Variants in CPNE1 observed in about 807,000 individuals in gnomAD.
CPNE1 encodes copine-1.
CPNE1 carries 58 observed loss-of-function variants against 63.2 expected under a neutral mutation model. The observed-to-expected ratio is 0.92, with a 90% confidence interval of 0.74 to 1.14. The LOEUF is 1.14. Ranked by LOEUF, CPNE1 falls within the 50% of genes most tolerant of loss-of-function variation. The pLI is 0.00. For missense variants in CPNE1, 672 were observed against 661.7 expected, an observed-to-expected ratio of 1.02 and a Z score of -0.17; for synonymous variants, 237 against 249.0, an observed-to-expected ratio of 0.95 and a Z score of 0.45.
At chr20:35,653,338 A>G (rs774044543) in intron 1 of CPNE1, 1 of 1,613,924 alleles carries the variant, frequency 6.2e-7, no homozygotes, top group Non-Finnish European at 8.5e-7. Flanking sequence ...TGCACTGGGC[A>G]GTCCCACACC....
chr20:35,653,957 C>T, intron 1 of CPNE1: 1 of 1,614,162 alleles, frequency 6.2e-7, no homozygotes, highest in Non-Finnish European at 8.5e-7. Context: ...CTATCTTCCA[C>T]AATATCCAGC....
At chr20:35,629,282 T>C (rs1200338792) in intron 13 of CPNE1, among the ~76,000 whole-genome samples, 2 of 152,194 alleles carry the variant, frequency 1.3e-5, no homozygotes, top group African/African-American at 4.8e-5. Flanking sequence ...TATGTTGAAA[T>C]ACAAAATTAA....
At chr20:35,658,802 AACACACACACACACAC>A (rs10542710) in intron 1 of CPNE1, 19,293 of 473,012 alleles carry the variant, frequency 0.041, 364 homozygotes, top group African/African-American at 0.083. Context: ...AGCAAACAAA[AACACACACACACACAC>A]ACACACACAC....
chr20:35,650,768 C>T (rs1018770032), intron 1 of CPNE1: 1 of 152,532 alleles, frequency 6.6e-6, no homozygotes, highest in Non-Finnish European at 1.5e-5. Context: ...AAACTGTTGC[C>T]ACTCTTAAAT....
intron 1 of CPNE1, among the ~76,000 whole-genome samples, chr20:35,658,190 T>G (rs1340321700): frequency 6.6e-6 from 1 of 152,250 alleles, no homozygotes; most frequent in African/African-American, 2.4e-5. Context: ...ACAAGAGGGT[T>G]AGATTCCACT....
At chr20:35,644,805 A>G (rs1177016804) in intron 1 of CPNE1, among the ~76,000 whole-genome samples, 1 of 152,166 alleles carries the variant, frequency 6.6e-6, no homozygotes, top group Non-Finnish European at 1.5e-5. Flanking sequence ...AATTCTCCCT[A>G]TTTGTCTGAC....
At chr20:35,658,684 C>T (rs1721584546) in intron 1 of CPNE1, among the ~76,000 whole-genome samples, 2 of 151,884 alleles carry the variant, frequency 1.3e-5, no homozygotes, top group South Asian at 2.1e-4. Context: ...TGCTTGAACC[C>T]GGGAGGCGGA....
intron 1 of CPNE1, among the ~76,000 whole-genome samples, chr20:35,635,273 T>C (rs1343263595): frequency 6.6e-6 from 1 of 152,170 alleles, no homozygotes; most frequent in Non-Finnish European, 1.5e-5. Context: ...TCTCAATGTC[T>C]AACATTATAT....
chr20:35,652,904 T>A lies in CPNE1; in HGVS notation c.-1+11856A>T, dbSNP rs543572362. On this transcript the variant is annotated intron_variant, in intron 1 of 15. Transcript: ENST00000397443. ...GCACTTCCAAGACCAGGAGGGCCAC[T>A]TCCAAACCCCGGGGGACCGCCTAAG... 8 of 1,613,712 alleles carry A rather than the reference T, an allele frequency of 5.0e-6. No individual in the cohort carries two copies. The African/African-American group carries it at 1.1e-4, about 22-fold the overall frequency.
intron 1 of CPNE1, chr20:35,659,141 A>C (rs2034086233): frequency 6.1e-6 from 2 of 330,022 alleles, no homozygotes; most frequent in Non-Finnish European, 1.1e-5. Context: ...TGCATATCAA[A>C]AAAAAAAAAA....
intron 1 of CPNE1, chr20:35,664,412 A>G (rs1366385424): frequency 2.0e-5 from 3 of 152,228 alleles, no homozygotes; most frequent in Non-Finnish European, 2.9e-5. Context: ...GAGACAAGAA[A>G]TCCTCCGTAC....
At chr20:35,626,419 C>T (rs749002437) in intron 15 of CPNE1, 38 bp from the exon 16 acceptor site, 10 of 1,610,714 alleles carry the variant, frequency 6.2e-6, no homozygotes, top group Non-Finnish European at 5.9e-6. Context: ...TGGCCCAGAA[C>T]AGCTGCCCAA....
intron 1 of CPNE1, chr20:35,659,066 A>C: frequency 2.8e-6 from 2 of 711,682 alleles, no homozygotes; most frequent in East Asian, 2.7e-5. Flanking sequence ...ACACAAAACA[A>C]CACGCACAGG....
chr20:35,633,926 T>G (rs1360546061), intron 1 of CPNE1, among the ~76,000 whole-genome samples: 2 of 123,274 alleles, frequency 1.6e-5, no homozygotes, highest in Non-Finnish European at 3.2e-5. Flanking sequence ...GCCACTGTAC[T>G]CCAGCCTGGG....
At chr20:35,659,560 A>G (rs2034115408) in intron 1 of CPNE1, among the ~76,000 whole-genome samples, 1 of 152,240 alleles carries the variant, frequency 6.6e-6, no homozygotes, top group African/African-American at 2.4e-5. Context: ...AGTTCTTGCT[A>G]TAAGGACTAA....
chr20:35,654,150 A>G (rs1256553309), intron 1 of CPNE1: 1 of 1,614,218 alleles, frequency 6.2e-7, no homozygotes. Context: ...TATTTTGCTT[A>G]AAAGTGATAT....
In CPNE1 at chr20:35,644,963, A is replaced by G. The variant is rs2033023060; in HGVS notation, c.1-12040T>C. 2.6e-5 allele frequency among the ~76,000 whole-genome samples: 4 copies of G among 152,186 alleles called. No homozygotes were observed. The South Asian group carries it at 8.3e-4, about 31-fold the overall frequency. On this transcript the variant is annotated intron_variant, in intron 1 of 15. Coordinates refer to ENST00000397443, the MANE Select transcript of CPNE1 (RefSeq NM_152925.3). ...ATCTGTATCAAAATTTTCAAAGGAC[A>G]TCTATAGGGTAGTCAATTCTGCCCC...
chr20:35,658,806 C>CAT, intron 1 of CPNE1: 1 of 216,720 alleles, frequency 4.6e-6, no homozygotes, highest in African/African-American at 2.9e-5. Context: ...AACAAAAACA[C>CAT]ACACACACAC....
At position 35,646,858 on chromosome 20, in the gene CPNE1, TA is replaced by T. The variant is rs2033134120; in HGVS notation, c.1-13936del. Among the ~76,000 whole-genome samples, 3 of 152,210 alleles carry T rather than the reference TA, an allele frequency of 2.0e-5. No individual in the cohort carries two copies. In the South Asian group the frequency reaches 6.2e-4, roughly 31 times the overall value. ...CTCCTATCATGAAATGGCAAGCCAT[TA>T]ATTAAGCAAAATGACTTGAAACTAG... On this transcript the variant is annotated intron_variant, in intron 1 of 15. Coordinates refer to ENST00000397443, the MANE Select transcript of CPNE1 (RefSeq NM_152925.3).
Sources: gnomAD v4.1 joint callset for allele counts (sites outside exome capture counted in the v4.1 genomes callset) on GRCh38, gnomAD v4.1.1 for gene constraint, MANE v1.5 for transcripts, NCBI Gene and HGNC (gene_info 2026-07-23, HGNC 2026-07-21) for gene names.